SNTB1: variants seen among roughly 807,000 people sequenced by gnomAD.
SNTB1 encodes the protein beta-1-syntrophin.
SNTB1 carries 36 observed loss-of-function variants against 48.9 expected under a neutral mutation model. The observed-to-expected ratio is 0.74, with a 90% CI of 0.56 to 0.97. The LOEUF (loss-of-function observed/expected upper bound fraction) is 0.97, where lower values mean the gene tolerates loss of function less well. SNTB1 is among the 50% of genes least tolerant of loss of function. The probability of loss-of-function intolerance (pLI) is 0.00; values close to 1 mark genes in which losing one functional copy is unlikely to be tolerated. For synonymous variants in SNTB1, 299 were observed against 294.6 expected (o/e 1.01, Z -0.15); for missense variants, 786 against 703.4 (o/e 1.12, Z -1.33).
intron 1 of SNTB1, among the ~76,000 whole-genome samples, chr8:120,774,711 G>A (rs1220630054): frequency 2.0e-5 from 3 of 152,136 alleles, no homozygotes; most frequent in Non-Finnish European, 2.9e-5. Context: ...CTGGAGTACA[G>A]TGGCACAACC....
chr8:120,752,585 A>G (rs1819238996), intron 1 of SNTB1, among the ~76,000 whole-genome samples: 1 of 152,194 alleles, frequency 6.6e-6, no homozygotes, highest in Admixed American at 6.5e-5. Flanking sequence ...CTGTGATACA[A>G]TGTTATTCCA....
Position 120,548,856 on chromosome 8 carries a change from G to A in SNTB1, c.1239C>T (p.Phe413=), listed in dbSNP as rs1563814412. Residue 413 remains phenylalanine (F), a synonymous_variant, in exon 5 of 7, where the codon TTC becomes TTT. Transcript: ENST00000517992. ...GTRQGIETHL[F]RAETSRDLSH... ...AGAGGTCCCTGCTGGTCTCTGCTCT[G>A]AAGAGATGTGTTTCAATCCCTTGCC... 3.1e-6 allele frequency: 5 copies of A among 1,613,912 alleles called. No homozygotes were observed. The highest frequency in any genetic ancestry group is 1.7e-5 in the Admixed American group (1 of 59,986).
chr8:120,776,567 C>T (rs745464430), intron 1 of SNTB1: 4 of 152,228 alleles, frequency 2.6e-5, no homozygotes, highest in African/African-American at 9.7e-5. Context: ...AAAACTCTCA[C>T]ATATTTGTAA....
At chr8:120,620,661 C>G (rs1169681412) in intron 3 of SNTB1, among the ~76,000 whole-genome samples, 2 of 150,234 alleles carry the variant, frequency 1.3e-5, no homozygotes, top group Non-Finnish European at 3.0e-5. Context: ...CACCCCCACC[C>G]CCACACACAC....
intron 1 of SNTB1, among the ~76,000 whole-genome samples, chr8:120,780,104 C>A (rs1819809198): frequency 6.8e-6 from 1 of 146,976 alleles, no homozygotes; most frequent in South Asian, 2.1e-4. Context: ...AAAAAAAGAT[C>A]CGTGTCAGAG....
At chr8:120,637,689 C>T (rs1817105319) in intron 2 of SNTB1, 2 of 404,522 alleles carry the variant, frequency 4.9e-6, no homozygotes, top group African/African-American at 2.2e-5. Flanking sequence ...TCTATGATCC[C>T]ATTCATGGCT....
chr8:120,558,643 TCAGATACCTGGATTCAAATCC>T, intron 4 of SNTB1, among the ~76,000 whole-genome samples: 1 of 152,312 alleles, frequency 6.6e-6, no homozygotes, highest in Middle Eastern at 3.4e-3. Flanking sequence ...AAGCAGAAAT[TCAGATACCTGGATTCAAATCC>T]CAGCTCTACT....
chr8:120,649,326 G>A (rs1283852342), intron 2 of SNTB1, among the ~76,000 whole-genome samples: 7 of 146,426 alleles, frequency 4.8e-5, no homozygotes, highest in African/African-American at 1.8e-4. Flanking sequence ...TGATGATGGT[G>A]ATGTACAGAT....
At chr8:120,729,094 T>C (rs1587119477) in intron 1 of SNTB1, among the ~76,000 whole-genome samples, 1 of 151,890 alleles carries the variant, frequency 6.6e-6, no homozygotes, top group East Asian at 1.9e-4. Context: ...TCCTCCCACC[T>C]CAGCCTTACA....
intron 1 of SNTB1, among the ~76,000 whole-genome samples, chr8:120,764,716 C>T (rs1400173503): frequency 6.6e-6 from 1 of 152,038 alleles, no homozygotes; most frequent in Non-Finnish European, 1.5e-5. Context: ...AGGACCCCAC[C>T]CCAGGCCCTG....
In SNTB1 at chr8:120,735,852, T is replaced by G. The variant is rs542867586; in HGVS notation, c.572-41944A>C. On this transcript the variant is annotated intron_variant, in intron 1 of 6. Coordinates refer to ENST00000517992, the MANE Select transcript of SNTB1 (RefSeq NM_021021.4). ...GAACAGGCAGGAGGCAGGAAGAGGTTGGTTCAAGCAGCACCATGGGTGGCT... is the reference window on the plus strand; with the variant it reads ...GAACAGGCAGGAGGCAGGAAGAGGTGGGTTCAAGCAGCACCATGGGTGGCT... Among the ~76,000 whole-genome samples, 7 of 152,312 alleles carry G rather than the reference T, an allele frequency of 4.6e-5. No homozygotes were observed. In the East Asian group the frequency reaches 1.4e-3, roughly 29 times the overall value.
At chr8:120,572,066 G>A (rs768438584) in intron 4 of SNTB1, among the ~76,000 whole-genome samples, 28 of 151,964 alleles carry the variant, frequency 1.8e-4, no homozygotes, top group Non-Finnish European at 2.8e-4. Context: ...GATTTTTCTG[G>A]AATTTCAGCT....
chr8:120,618,823 C>T (rs949693464), intron 3 of SNTB1, among the ~76,000 whole-genome samples: 1 of 152,112 alleles, frequency 6.6e-6, no homozygotes, highest in African/African-American at 2.4e-5. Context: ...GGTAAAAGGG[C>T]AGAGGGTGGA....
At chr8:120,565,242 G>A (rs1344277821) in intron 4 of SNTB1, among the ~76,000 whole-genome samples, 1 of 152,102 alleles carries the variant, frequency 6.6e-6, no homozygotes, top group East Asian at 1.9e-4. Flanking sequence ...GAAAATAGAA[G>A]AGGGGTTAAC....
chr8:120,553,016 C>T (rs1383757305), intron 4 of SNTB1, among the ~76,000 whole-genome samples: 1 of 151,962 alleles, frequency 6.6e-6, no homozygotes, highest in Non-Finnish European at 1.5e-5. Flanking sequence ...AGAGCTCAGG[C>T]GGTAATGCGA....
chr8:120,551,725 CAAA>C (rs764008790), intron 4 of SNTB1, among the ~76,000 whole-genome samples: 499 of 42,752 alleles, frequency 0.012, 4 homozygotes, highest in African/African-American at 0.045. Context: ...GACTCCATCT[CAAA>C]AAAAAAAAAA....
At chr8:120,662,177 T>C (rs1817599324) in intron 2 of SNTB1, among the ~76,000 whole-genome samples, 1 of 152,228 alleles carries the variant, frequency 6.6e-6, no homozygotes, top group Non-Finnish European at 1.5e-5. Context: ...ATAAATCAGC[T>C]ACCCACAAAA....
At chr8:120,579,300 T>C (rs193000338) in intron 3 of SNTB1, among the ~76,000 whole-genome samples, 2 of 152,362 alleles carry the variant, frequency 1.3e-5, no homozygotes, top group East Asian at 3.9e-4. Flanking sequence ...TATGTCTTCA[T>C]CCTAGCACCA....
intron 1 of SNTB1, among the ~76,000 whole-genome samples, chr8:120,760,717 G>A (rs1819404517): frequency 6.6e-6 from 1 of 152,002 alleles, no homozygotes; most frequent in African/African-American, 2.4e-5. Context: ...CTTTGAGGGA[G>A]ACTATTTTAC....
Sources: gnomAD v4.1 joint callset for allele counts (sites outside exome capture counted in the v4.1 genomes callset) on GRCh38, gnomAD v4.1.1 for gene constraint, MANE v1.5 for transcripts, NCBI Gene and HGNC (gene_info 2026-07-23, HGNC 2026-07-21) for gene names.